LUZP2: variants seen among roughly 807,000 people sequenced by gnomAD.
LUZP2 encodes the protein leucine zipper protein 2.
In LUZP2, 52 loss-of-function variants were observed where a neutral mutation model predicts 51.6. The observed-to-expected ratio is 1.01, with a 90% confidence interval of 0.81 to 1.27. The LOEUF (loss-of-function observed/expected upper bound fraction) is 1.27. Ranked by LOEUF, LUZP2 falls within the 50% of genes most tolerant of loss-of-function variation. The pLI is 0.00. For synonymous variants in LUZP2, 154 were observed against 137.3 expected (o/e 1.12, Z -0.85); for missense variants, 436 against 395.4 (o/e 1.10, Z -0.87).
chr11:24,782,250 T>C (rs1415561506), intron 5 of LUZP2, among the ~76,000 whole-genome samples: 2 of 151,988 alleles, frequency 1.3e-5, no homozygotes, highest in African/African-American at 2.4e-5. Flanking sequence ...TTTTCAAGAG[T>C]AACCTTTGTA....
chr11:24,600,432 T>G (rs1366284156), intron 1 of LUZP2, among the ~76,000 whole-genome samples: 2 of 152,208 alleles, frequency 1.3e-5, no homozygotes, highest in South Asian at 2.1e-4. Flanking sequence ...GCCACCGAAT[T>G]TGTGGTGCTT....
intron 1 of LUZP2, among the ~76,000 whole-genome samples, chr11:24,504,661 A>G (rs1850097363): frequency 1.3e-5 from 2 of 152,158 alleles, no homozygotes; most frequent in Admixed American, 1.3e-4. Flanking sequence ...ATGATTTAAT[A>G]TGTTTATTTT....
chr11:24,572,109 A>G (rs1852463281), intron 1 of LUZP2, among the ~76,000 whole-genome samples: 1 of 152,012 alleles, frequency 6.6e-6, no homozygotes, highest in Non-Finnish European at 1.5e-5. Context: ...ATGGGACGGA[A>G]GCCCAATAAA....
At chr11:24,915,714 G>T (rs1048708977) in intron 7 of LUZP2, among the ~76,000 whole-genome samples, 2 of 152,070 alleles carry the variant, frequency 1.3e-5, no homozygotes, top group South Asian at 2.1e-4. Flanking sequence ...TAGATAGGTA[G>T]ATAGATAGAT....
intron 1 of LUZP2, among the ~76,000 whole-genome samples, chr11:24,507,954 GA>G (rs1850190829): frequency 6.6e-6 from 1 of 150,800 alleles, no homozygotes; most frequent in Non-Finnish European, 1.5e-5. Flanking sequence ...CTCCTAGAGT[GA>G]AAAAAGAAAC....
chr11:24,918,448 T>G (rs951146717), intron 7 of LUZP2, among the ~76,000 whole-genome samples: 2 of 152,012 alleles, frequency 1.3e-5, no homozygotes, highest in African/African-American at 4.8e-5. Flanking sequence ...TTTTTGCCGA[T>G]TCAGTAGGTT....
intron 5 of LUZP2, among the ~76,000 whole-genome samples, chr11:24,879,680 C>CT (rs1852393564): frequency 6.6e-6 from 1 of 152,138 alleles, no homozygotes; most frequent in Non-Finnish European, 1.5e-5. Context: ...TGATGTTGAG[C>CT]TTTTTTTCCA....
At chr11:24,865,002 T>C (rs1851846835) in intron 5 of LUZP2, among the ~76,000 whole-genome samples, 1 of 152,204 alleles carries the variant, frequency 6.6e-6, no homozygotes, top group Admixed American at 6.5e-5. Flanking sequence ...TGCACCCCTG[T>C]CTTGTCTACT....
intron 1 of LUZP2, among the ~76,000 whole-genome samples, chr11:24,647,393 G>T (rs374430798): frequency 6.6e-6 from 1 of 151,564 alleles, no homozygotes; most frequent in East Asian, 1.9e-4. Flanking sequence ...AAACAAAAAA[G>T]AAAAAGAAAA....
At chr11:24,959,231 G>A (rs984164235) in intron 7 of LUZP2, among the ~76,000 whole-genome samples, 34 of 152,076 alleles carry the variant, frequency 2.2e-4, no homozygotes, top group East Asian at 5.8e-4. Flanking sequence ...TTGACTTGGC[G>A]ATGCGGGCTC....
intron 1 of LUZP2, among the ~76,000 whole-genome samples, chr11:24,665,231 G>A (rs1318952582): frequency 1.3e-5 from 2 of 152,136 alleles, no homozygotes; most frequent in Admixed American, 6.6e-5. Context: ...CTTGCATGGA[G>A]CCTGTAAGCC....
At chr11:24,916,778 A>G (rs969905541) in intron 7 of LUZP2, among the ~76,000 whole-genome samples, 2 of 152,208 alleles carry the variant, frequency 1.3e-5, no homozygotes, top group South Asian at 4.1e-4. Flanking sequence ...TATTGTGAAT[A>G]GTGATACCAT....
rs1050162368 is a variant in LUZP2 at position 25,079,235 on chromosome 11, C to A, written c.*577C>A. On this transcript the variant is annotated 3_prime_UTR_variant, in exon 12 of 12. Coordinates refer to ENST00000336930, the MANE Select transcript of LUZP2 (RefSeq NM_001009909.4). ...ACAATTCTGTTAAGAATTTTGTCAGCTAACATAATTCATTAAGTATGTTTG... is the reference window on the plus strand; with the variant it reads ...ACAATTCTGTTAAGAATTTTGTCAGATAACATAATTCATTAAGTATGTTTG... The A allele has an allele frequency of 6.6e-6, 1 of 152,100 alleles. No individual in the cohort carries two copies. Among genetic ancestry groups the A allele is most frequent in the South Asian group, 2.1e-4 (1 of 4,830 alleles). The allele number at this position is 152,100 out of a possible 1,614,324, so 9.4% of individuals were successfully genotyped here. A position where few individuals can be genotyped will look rare whatever the true frequency, so the allele number is the denominator to read the frequency against.
chr11:24,904,192 T>C (rs571049203), intron 5 of LUZP2, among the ~76,000 whole-genome samples: 1 of 152,332 alleles, frequency 6.6e-6, no homozygotes, highest in Non-Finnish European at 1.5e-5. Context: ...TAATATTTCA[T>C]TGCATTTTCC....
At chr11:24,791,573 C>G (rs1436512858) in intron 5 of LUZP2, among the ~76,000 whole-genome samples, 1 of 152,004 alleles carries the variant, frequency 6.6e-6, no homozygotes. Context: ...AATATCACTA[C>G]TTGCATGTAA....
chr11:24,659,359 G>A (rs185156773), intron 1 of LUZP2, among the ~76,000 whole-genome samples: 48 of 152,150 alleles, frequency 3.2e-4, no homozygotes, highest in African/African-American at 1.1e-3. Context: ...CTCATAGGTG[G>A]GAATTGAACA....
intron 7 of LUZP2, among the ~76,000 whole-genome samples, chr11:24,960,629 TTC>T (rs1855364492): frequency 6.6e-6 from 1 of 152,158 alleles, no homozygotes; most frequent in Non-Finnish European, 1.5e-5. Flanking sequence ...TATTTGATTC[TTC>T]TCTCTTTTTT....
chr11:24,570,913 G>A (rs1406657426), intron 1 of LUZP2, among the ~76,000 whole-genome samples: 1 of 152,014 alleles, frequency 6.6e-6, no homozygotes, highest in Non-Finnish European at 1.5e-5. Context: ...CATACAGCTA[G>A]CAGAGAAATG....
intron 7 of LUZP2, among the ~76,000 whole-genome samples, chr11:24,926,623 A>ATATATGTATATATATATATG (rs1752723809): frequency 2.1e-5 from 3 of 142,822 alleles, no homozygotes; most frequent in African/African-American, 7.7e-5. Context: ...GTATATATAT[A>ATATATGTATATATATATATG]TGTGTGTATA....
Sources: allele counts gnomAD v4.1 joint callset (sites outside exome capture counted in the v4.1 genomes callset), GRCh38; gene constraint gnomAD v4.1.1; transcripts MANE v1.5; gene names NCBI Gene and HGNC (gene_info 2026-07-23, HGNC 2026-07-21).